CTNND2: variants seen among roughly 807,000 people sequenced by gnomAD.
CTNND2 encodes the protein catenin delta 2.
Under a neutral mutation model 144.4 loss-of-function variants are expected in CTNND2, and 22 were observed. The ratio of observed to expected loss-of-function variants is 0.15; its 90% CI spans 0.11 to 0.22. The LOEUF (loss-of-function observed/expected upper bound fraction) is 0.22. CTNND2 is among the 10% of genes least tolerant of loss of function. The pLI, the probability that CTNND2 is intolerant of heterozygous loss-of-function variation, is 1.00. For missense variants in CTNND2, 1,353 were observed against 1,618.8 expected (o/e 0.84, Z 2.82); for synonymous variants, 751 against 695.6 (o/e 1.08, Z -1.25).
intron 12 of CTNND2, among the ~76,000 whole-genome samples, chr5:11,147,718 G>A (rs1757377667): frequency 1.1e-5 from 1 of 88,982 alleles, no homozygotes; most frequent in Non-Finnish European, 2.4e-5. Context: ...AAGGTAATGT[G>A]AGAAAAAGAG....
At chr5:11,528,092 T>C (rs934041869) in intron 3 of CTNND2, among the ~76,000 whole-genome samples, 1 of 152,182 alleles carries the variant, frequency 6.6e-6, no homozygotes, top group African/African-American at 2.4e-5. Flanking sequence ...GGGGGACTTA[T>C]CAATCAATGT....
intron 3 of CTNND2, among the ~76,000 whole-genome samples, chr5:11,421,082 T>G (rs116745181): frequency 6.6e-6 from 1 of 152,062 alleles, no homozygotes; most frequent in Non-Finnish European, 1.5e-5. Context: ...GGAACCAATA[T>G]AGCAGCTCGT....
chr5:11,852,564 G>T (rs1795064876), intron 1 of CTNND2, among the ~76,000 whole-genome samples: 1 of 152,102 alleles, frequency 6.6e-6, no homozygotes, highest in African/African-American at 2.4e-5. Context: ...AAAGAAACAG[G>T]TACCAGTCAG....
chr5:11,031,225 A>T (rs374835670), intron 16 of CTNND2, among the ~76,000 whole-genome samples: 1 of 152,206 alleles, frequency 6.6e-6, no homozygotes, highest in Non-Finnish European at 1.5e-5. Flanking sequence ...GGTATGTGCA[A>T]CAATGGCTGC....
At chr5:11,199,412 T>G in intron 11 of CTNND2, 36 bp downstream of exon 11, 939 of 1,543,066 alleles carry the variant, frequency 6.1e-4, no homozygotes, top group Non-Finnish European at 7.5e-4. Flanking sequence ...AAGTTTATCT[T>G]GAGATATAAT....
chr5:11,626,074 GA>G (rs2126448538), intron 2 of CTNND2, among the ~76,000 whole-genome samples: 1 of 152,212 alleles, frequency 6.6e-6, no homozygotes, highest in South Asian at 2.1e-4. Context: ...AGGTGTCTCA[GA>G]TGCCTAATGT....
intron 10 of CTNND2, among the ~76,000 whole-genome samples, chr5:11,206,377 C>T (rs1413818611): frequency 6.6e-6 from 1 of 152,148 alleles, no homozygotes; most frequent in African/African-American, 2.4e-5. Flanking sequence ...AATTGCTGAA[C>T]ACCGTAAATG....
At chr5:11,557,884 A>G (rs1776358037) in intron 3 of CTNND2, among the ~76,000 whole-genome samples, 1 of 152,206 alleles carries the variant, frequency 6.6e-6, no homozygotes, top group Non-Finnish European at 1.5e-5. Flanking sequence ...AGAGACATAC[A>G]CATTTGGAAT....
chr5:11,058,708 G>A (rs187565636), intron 16 of CTNND2, among the ~76,000 whole-genome samples: 102 of 152,306 alleles, frequency 6.7e-4, no homozygotes, highest in African/African-American at 2.3e-3. Flanking sequence ...CTCTTGCATC[G>A]TGAAGCTGGA....
chr5:11,012,239 G>C (rs966452340), intron 18 of CTNND2, among the ~76,000 whole-genome samples: 1 of 152,076 alleles, frequency 6.6e-6, no homozygotes, highest in African/African-American at 2.4e-5. Flanking sequence ...ACCAAGGGAG[G>C]GGGTGGGATT....
rs185705915 is a variant in CTNND2, at chr5:11,220,193, A to G, written c.1761+16498T>C. Among the ~76,000 whole-genome samples the G allele has an allele frequency of 2.4e-3, 365 of 152,244 alleles. 1 individual carries two copies. The highest frequency in any genetic ancestry group is 8.3e-3 in the African/African-American group (346 of 41,498). On this transcript the variant is annotated intron_variant, in intron 10 of 21. Coordinates refer to ENST00000304623, the MANE Select transcript of CTNND2 (RefSeq NM_001332.4). ...GTGAAGATGGTAAAAATCCATAAAA[A>G]AAAAAATTTAGAGTGTGTTTGCATT...
At chr5:11,087,836 T>C (rs775809021) in intron 15 of CTNND2, among the ~76,000 whole-genome samples, 2 of 152,156 alleles carry the variant, frequency 1.3e-5, no homozygotes, top group African/African-American at 4.8e-5. Context: ...CATATGTTTA[T>C]GCAATGCTCA....
Position 10,988,186 on chromosome 5 carries a change from A to G in CTNND2, c.3268T>C (p.Tyr1090His), listed in dbSNP as rs1348141385. The G allele has an allele frequency of 6.2e-7, 1 of 1,614,082 alleles. No homozygotes were observed. The highest frequency in any genetic ancestry group is 8.5e-7 in the Non-Finnish European group (1 of 1,180,046). The change falls in exon 20 of 22, where the codon TAC (tyrosine) becomes CAC (histidine). Residue 1090 changes from tyrosine to histidine, a missense_variant. Tyr to His is a moderately conservative substitution (Grantham distance 83). Around this residue, in one of 4 missense-constraint regions of CTNND2, gnomAD observed 459 missense variants for 674.3 expected, o/e 0.68. Transcript: ENST00000304623. This position sits in a 1 kb window ranked among gnomAD's most constrained non-coding sequence, Gnocchi z 5.9. ...MISLKERKTDYECTGSNATYH... is the reference protein window; with the variant it reads ...MISLKERKTDHECTGSNATYH... ...GTGGCGTTGCTGCCGGTGCACTCGT[A>G]GTCTGTTTTCCTTTCTTTGAGGCTG...
At chr5:11,007,440 C>T (rs907173371) in intron 18 of CTNND2, among the ~76,000 whole-genome samples, 1 of 152,242 alleles carries the variant, frequency 6.6e-6, no homozygotes, top group South Asian at 2.1e-4. Context: ...CAGCTTTAAC[C>T]TCGGGAACTG....
At chr5:11,268,203 T>A (rs1178478860) in intron 9 of CTNND2, among the ~76,000 whole-genome samples, 1 of 152,212 alleles carries the variant, frequency 6.6e-6, no homozygotes, top group African/African-American at 2.4e-5. Flanking sequence ...TTTAAAAATG[T>A]AAACATTTTT....
chr5:11,060,350 T>G (rs1746825447), intron 16 of CTNND2, among the ~76,000 whole-genome samples: 1 of 152,116 alleles, frequency 6.6e-6, no homozygotes. Flanking sequence ...ACTAGGTACG[T>G]GGTCCTGTGC....
chr5:11,088,233 T>G (rs1016636865), intron 15 of CTNND2, among the ~76,000 whole-genome samples: 1 of 152,130 alleles, frequency 6.6e-6, no homozygotes, highest in African/African-American at 2.4e-5. Context: ...TCAGATCTTA[T>G]TCTGAGACCC....
chr5:11,087,420 A>G (rs1452512284), intron 15 of CTNND2, among the ~76,000 whole-genome samples: 2 of 152,186 alleles, frequency 1.3e-5, no homozygotes, highest in East Asian at 1.9e-4. Flanking sequence ...ATGGATTATT[A>G]TTTGAATTAC....
At position 11,311,085 on chromosome 5, in the gene CTNND2, T is replaced by C. The variant is rs568727092; in HGVS notation, c.1628+35287A>G. The stretch of plus-strand genomic sequence containing the variant: ...TCCCCATGCACCCTCAACCCACACA[T>C]ACATACACTCTCACACTCTCTCCAT... On this transcript the variant is annotated intron_variant, in intron 9 of 21. Transcript: ENST00000304623. Among the ~76,000 whole-genome samples the C allele has an allele frequency of 3.8e-5, 5 of 132,388 alleles. No homozygotes were observed. In the East Asian group the frequency reaches 1.3e-3, roughly 34 times the overall value. 86.9% of individuals were successfully genotyped at this position (132,388 alleles called of 152,430 possible). A position where few individuals can be genotyped will look rare whatever the true frequency, so the allele number is the denominator to read the frequency against.
Sources: allele counts gnomAD v4.1 joint callset (sites outside exome capture counted in the v4.1 genomes callset), GRCh38; gene constraint gnomAD v4.1.1; regional missense constraint gnomAD v4.1.1; non-coding constraint Gnocchi (gnomAD v3.1); transcripts MANE v1.5; gene names NCBI Gene and HGNC (gene_info 2026-07-23, HGNC 2026-07-21).